RTCB: variants seen among roughly 807,000 people sequenced by gnomAD.
RTCB encodes RNA 2',3'-cyclic phosphate and 5'-OH ligase.
A neutral mutation model predicts 58.2 loss-of-function variants in RTCB; 32 were observed. That is an observed-to-expected ratio of 0.55 (90% confidence interval 0.41 to 0.74). RTCB has a LOEUF of 0.74. Ranked by LOEUF, RTCB falls within the 30% of genes least tolerant of loss-of-function variation. The pLI is 0.00. For synonymous variants in RTCB, 247 were observed against 218.6 expected (o/e 1.13, Z -1.15); for missense variants, 523 against 639.0 (o/e 0.82, Z 1.96).
Position 32,412,208 on chromosome 22 carries a change from C to T in RTCB, c.-52G>A, listed in dbSNP as rs1304012026. ...CCGGCTCCGCTTTGAAGAGCCGCTG[C>T]CGCGTAGTCCGGCTTCTCAGAGCAC... is the stretch of plus-strand genomic sequence containing the variant. On this transcript the variant is annotated 5_prime_UTR_variant, in exon 1 of 12. Coordinates refer to ENST00000216038, the MANE Select transcript of RTCB (RefSeq NM_014306.5). The T allele has an allele frequency of 6.9e-7, 1 of 1,447,030 alleles. No homozygotes were observed. Among genetic ancestry groups the T allele is most frequent in the Admixed American group, 1.9e-5 (1 of 52,378 alleles). 89.6% of individuals were successfully genotyped at this position (1,447,030 alleles called of 1,614,324 possible).
At position 32,393,896 on chromosome 22, in the gene RTCB, C is replaced by T; in HGVS notation, c.1286G>A (p.Gly429Glu). 1 of 1,609,062 alleles carries T rather than the reference C, an allele frequency of 6.2e-7. No homozygotes were observed. Among genetic ancestry groups the T allele is most frequent in the East Asian group, 2.2e-5 (1 of 44,856 alleles). ...MTETFGTTCH[G>E]AGRALSRAKS... ...GGAAGTTTCTGTTTTCCTTACCGCT[C>T]CATGACAGGTTGTTCCAAAGGTCTC... Residue 429 changes from glycine (G) to glutamate (E), a missense_variant, in exon 10 of 12, where the codon GGA becomes GAA. By Grantham distance (98) the Gly-to-Glu change is moderately conservative. Transcript: ENST00000216038.
At position 32,388,104 on chromosome 22, in the gene RTCB, A is replaced by G. The variant is rs1224897757; in HGVS notation, c.1411-5T>C. The G allele has an allele frequency of 1.3e-6, 2 of 1,582,154 alleles. No homozygotes were observed. Among genetic ancestry groups the G allele is most frequent in the Non-Finnish European group, 8.7e-7 (1 of 1,151,318 alleles). On this transcript the variant is annotated splice_polypyrimidine_tract_variant and splice_region_variant and intron_variant, in intron 11 of 11. Coordinates refer to ENST00000216038, the MANE Select transcript of RTCB (RefSeq NM_014306.5). ...ATTCTTATAGGACTCAGGAGCCTGC[A>G]GGAGAGGAATTTAAACATTGTACAA...
At chr22:32,394,133 T>C in intron 9 of RTCB, 131 bp from the exon 10 acceptor site, 1 of 564,626 alleles carries the variant, frequency 1.8e-6, no homozygotes, top group Non-Finnish European at 3.1e-6. Context: ...TTTTTTGAGA[T>C]GGGAGTCTTG....
rs537230814 is a variant in RTCB, at chr22:32,412,215, G to A, written c.-59C>T. 20 of 1,426,046 alleles carry A rather than the reference G, an allele frequency of 1.4e-5. 1 individual carries two copies. In the South Asian group the frequency reaches 2.4e-4, roughly 17 times the overall value. The allele number at this position is 1,426,046 out of a possible 1,614,324, so 88.3% of individuals were successfully genotyped here. On this transcript the variant is annotated 5_prime_UTR_variant, in exon 1 of 12. Coordinates refer to ENST00000216038, the MANE Select transcript of RTCB (RefSeq NM_014306.5). ...CGCTTTGAAGAGCCGCTGCCGCGTA[G>A]TCCGGCTTCTCAGAGCACCGCCTTC... is the stretch of plus-strand genomic sequence containing the variant.
chr22:32,399,560 T>A lies in RTCB; in HGVS notation c.654+43A>T, dbSNP rs761270054. On this transcript the variant is annotated intron_variant, in intron 6 of 11. Transcript: ENST00000216038. ...TTTTTTTCCCCCAATAAAAACAAAA[T>A]ATGAAAAAAAAATTAACATGTTGCC... The A allele has an allele frequency of 1.9e-6, 3 of 1,541,830 alleles. No individual in the cohort carries two copies. The African/African-American group carries it at 4.2e-5, about 21-fold the overall frequency.
intron 7 of RTCB, among the ~76,000 whole-genome samples, chr22:32,396,796 G>A (rs1457899115): frequency 6.6e-6 from 1 of 152,156 alleles, no homozygotes; most frequent in Non-Finnish European, 1.5e-5. Flanking sequence ...ACAATTTCCA[G>A]GCATCTATAT....
chr22:32,404,085 G>C (rs1004590616), intron 4 of RTCB, among the ~76,000 whole-genome samples: 1 of 152,084 alleles, frequency 6.6e-6, no homozygotes, highest in Non-Finnish European at 1.5e-5. Context: ...GGCTGTTTCC[G>C]TATCTTGGCT....
intron 11 of RTCB, among the ~76,000 whole-genome samples, chr22:32,390,695 G>A (rs537262655): frequency 8.5e-5 from 13 of 152,126 alleles, no homozygotes; most frequent in African/African-American, 2.4e-4. Context: ...TGATCCACCC[G>A]CCTCAGCCTC....
Position 32,412,091 on chromosome 22 carries a change from G to T in RTCB, c.66C>A (p.Ile22=), listed in dbSNP as rs11545749. 5.0e-6 allele frequency: 8 copies of T among 1,608,990 alleles called. No individual in the cohort carries two copies. Among genetic ancestry groups the T allele is most frequent in the Non-Finnish European group, 6.8e-6 (8 of 1,178,832 alleles). Residue 22 remains isoleucine, a synonymous_variant, in exon 1 of 12, where the codon ATC becomes ATA. Coordinates refer to ENST00000216038, the MANE Select transcript of RTCB (RefSeq NM_014306.5). The part of the protein sequence containing the change: ...LEKINKNCWR[I]KKGFVPNMQV... The stretch of plus-strand genomic sequence containing the variant: ...GCATGTTGGGCACGAAGCCCTTCTT[G>T]ATCCTCCAGCAGTTTTTATTGATCT...
chr22:32,395,866 A>AT (rs966330285), intron 8 of RTCB, among the ~76,000 whole-genome samples: 1 of 152,044 alleles, frequency 6.6e-6, no homozygotes, highest in African/African-American at 2.4e-5. Flanking sequence ...AGCTAAGCTA[A>AT]TTTTTTGTAT....
rs116069502 is a variant in RTCB at position 32,396,002 on chromosome 22, G to T, written c.990+72C>A. 11,061 of 1,494,684 alleles carry T rather than the reference G, an allele frequency of 7.4e-3. 551 individuals are homozygous for T. In the African/African-American group the frequency reaches 0.12, roughly 16 times the overall value. 92.6% of individuals were successfully genotyped at this position (1,494,684 alleles called of 1,614,324 possible). ...GGCATGAGCCACCGTGTCCAGCCTG[G>T]ACTGCACTATGTTTTAAAGCACTTA... On this transcript the variant is annotated intron_variant, in intron 8 of 11. Coordinates refer to ENST00000216038, the MANE Select transcript of RTCB (RefSeq NM_014306.5).
rs138032174 is a variant in RTCB, at chr22:32,410,316, T to G, written c.94-1483A>C. On this transcript the variant is annotated intron_variant, in intron 1 of 11. Transcript: ENST00000216038. ...CTGGCGCAGCAGAACATCTAGGAAC[T>G]AAACGCAAAAATGACGTAAAGATGG... Among the ~76,000 whole-genome samples the G allele has an allele frequency of 5.1e-3, 777 of 152,146 alleles. 2 individuals are homozygous for G. The highest frequency in any genetic ancestry group is 8.9e-3 in the Non-Finnish European group (608 of 67,990).
At chr22:32,405,653 C>T (rs1366084114) in intron 4 of RTCB, among the ~76,000 whole-genome samples, 6 of 152,262 alleles carry the variant, frequency 3.9e-5, no homozygotes, top group East Asian at 3.9e-4. Context: ...ATCTTGACTT[C>T]GCAAATTCTT....
chr22:32,394,087 G>T, intron 9 of RTCB, 85 bp from the exon 10 acceptor site: 4 of 846,508 alleles, frequency 4.7e-6, no homozygotes, highest in Non-Finnish European at 5.8e-6. Context: ...CTCTTGCACT[G>T]TAGGATTGTA....
intron 5 of RTCB, chr22:32,401,544 T>C (rs1206999142): frequency 1.9e-6 from 1 of 523,158 alleles, no homozygotes; most frequent in Non-Finnish European, 3.3e-6. Context: ...AATACTACTC[T>C]ATGTCAAAGG....
chr22:32,394,432 C>T (rs994904670), intron 9 of RTCB, among the ~76,000 whole-genome samples: 2 of 152,120 alleles, frequency 1.3e-5, no homozygotes, highest in Admixed American at 6.5e-5. Flanking sequence ...GACTTCTAAA[C>T]GCGCGGCTAG....
At chr22:32,409,205 A>AG in intron 1 of RTCB, among the ~76,000 whole-genome samples, 2 of 151,952 alleles carry the variant, frequency 1.3e-5, no homozygotes, top group African/African-American at 4.8e-5. Flanking sequence ...GAAAATTAAA[A>AG]AAAAAAACCA....
intron 8 of RTCB, among the ~76,000 whole-genome samples, 194 bp from the exon 9 acceptor site, chr22:32,395,408 C>A (rs550938079): frequency 6.6e-6 from 1 of 152,358 alleles, no homozygotes; most frequent in South Asian, 2.1e-4. Flanking sequence ...AATGCCACCA[C>A]ATCATTTTCA....
At chr22:32,409,702 A>G (rs1339274294) in intron 1 of RTCB, among the ~76,000 whole-genome samples, 4 of 152,212 alleles carry the variant, frequency 2.6e-5, no homozygotes, top group Admixed American at 6.5e-5. Context: ...TAATTCACCA[A>G]ACATTAACTG....
Sources: allele counts gnomAD v4.1 joint callset (sites outside exome capture counted in the v4.1 genomes callset), GRCh38; gene constraint gnomAD v4.1.1; transcripts MANE v1.5; gene names NCBI Gene and HGNC (gene_info 2026-07-23, HGNC 2026-07-21).